Variants in GNG7 observed in about 807,000 individuals in gnomAD.
The protein encoded by GNG7 is G protein subunit gamma 7.
In GNG7, 1 loss-of-function variant was observed where a neutral mutation model predicts 4.0. That is an observed-to-expected ratio of 0.25 (90% CI 0.09 to 1.18). GNG7 has a LOEUF of 1.18. Among genes scored for constraint, GNG7 ranks in the 50% most tolerant of loss-of-function variants. The probability of loss-of-function intolerance (pLI) is 0.50; values close to 1 mark genes in which losing one functional copy is unlikely to be tolerated. For missense variants in GNG7, 86 were observed against 91.9 expected (o/e 0.94, Z 0.26); for synonymous variants, 34 against 36.9 (o/e 0.92, Z 0.29).
At chr19:2,541,848 G>A (rs986824240) in intron 3 of GNG7, among the ~76,000 whole-genome samples, 5 of 152,100 alleles carry the variant, frequency 3.3e-5, no homozygotes, top group African/African-American at 1.2e-4. Context: ...CCAGGAGTTT[G>A]AGGTTGCAGT....
intron 2 of GNG7, among the ~76,000 whole-genome samples, chr19:2,616,163 C>A (rs758893370): frequency 3.3e-5 from 5 of 152,208 alleles, no homozygotes; most frequent in Non-Finnish European, 7.3e-5. Flanking sequence ...GATCCCAGTG[C>A]TTTGGGAGGC....
chr19:2,560,071 C>T (rs1243086962), intron 2 of GNG7, among the ~76,000 whole-genome samples: 1 of 152,076 alleles, frequency 6.6e-6, no homozygotes, highest in Non-Finnish European at 1.5e-5. Flanking sequence ...AACGGGGAGG[C>T]GGAGCGTGGC....
Position 2,689,555 on chromosome 19 carries a change from G to A in GNG7, c.-135+13091C>T, listed in dbSNP as rs185442680. 6.4e-3 allele frequency among the ~76,000 whole-genome samples: 966 copies of A among 149,958 alleles called. 13 individuals carry two copies. The highest frequency in any genetic ancestry group is 0.022 in the African/African-American group (875 of 40,602). ...GGAGGATCACTTGAACCTGGGAGGC[G>A]GAGGCTGCAGTGAGCTGAGATGGCG... On this transcript the variant is annotated intron_variant, in intron 1 of 4. Transcript: ENST00000382159.
intron 2 of GNG7, among the ~76,000 whole-genome samples, chr19:2,562,333 G>T (rs1032057937): frequency 1.3e-5 from 2 of 151,750 alleles, no homozygotes; most frequent in African/African-American, 4.8e-5. Context: ...GCCCAGGCTG[G>T]AGTGCAGTGG....
At chr19:2,551,344 T>G (rs1022661992) in intron 3 of GNG7, among the ~76,000 whole-genome samples, 2 of 152,064 alleles carry the variant, frequency 1.3e-5, no homozygotes, top group Non-Finnish European at 2.9e-5. Context: ...ATGCGACCCC[T>G]CGGCCATCGG....
intron 1 of GNG7, among the ~76,000 whole-genome samples, chr19:2,657,361 A>AAATAGATATATATAT (rs1555701153): frequency 6.1e-5 from 1 of 16,342 alleles, no homozygotes; most frequent in Non-Finnish European, 1.0e-4. Context: ...AAAAAAAAAA[A>AAATAGATATATATAT]ATATATATAT....
At position 2,513,604 on chromosome 19, in the gene GNG7, G is replaced by T. The variant is rs569852349; in HGVS notation, c.*1418C>A. 6 of 985,154 alleles carry T rather than the reference G, an allele frequency of 6.1e-6. No individual in the cohort carries two copies. The South Asian group carries it at 2.3e-4, about 39-fold the overall frequency. 61.0% of individuals were successfully genotyped at this position (985,154 alleles called of 1,614,324 possible). On this transcript the variant is annotated 3_prime_UTR_variant, in exon 5 of 5. Coordinates refer to ENST00000382159, the MANE Select transcript of GNG7 (RefSeq NM_052847.3). ...CTAAGGCATCTCCCGGCCTCAGACA[G>T]CCGTCCTGGGTTGCACGGGGGTGGA...
intron 2 of GNG7, among the ~76,000 whole-genome samples, 155 bp from the exon 3 acceptor site, chr19:2,555,343 A>T (rs1979510930): frequency 6.6e-6 from 1 of 152,198 alleles, no homozygotes; most frequent in African/African-American, 2.4e-5. Flanking sequence ...CCTCCGGAGA[A>T]AACGGGGGCA....
chr19:2,572,526 G>A (rs1419224309), intron 2 of GNG7, among the ~76,000 whole-genome samples: 6 of 151,794 alleles, frequency 4.0e-5, no homozygotes, highest in African/African-American at 1.2e-4. Context: ...CTGCCTCCCC[G>A]GTTCAAGCGA....
intron 1 of GNG7, among the ~76,000 whole-genome samples, chr19:2,661,133 C>T (rs1015401823): frequency 6.7e-6 from 1 of 150,204 alleles, no homozygotes; most frequent in Non-Finnish European, 1.5e-5. Context: ...ATTACTTGAA[C>T]CTGGGAGGCG....
At chr19:2,685,862 C>T (rs1386199592) in intron 1 of GNG7, among the ~76,000 whole-genome samples, 2 of 152,094 alleles carry the variant, frequency 1.3e-5, no homozygotes, top group Non-Finnish European at 2.9e-5. Flanking sequence ...GAAAAGAGGC[C>T]ACTAAGAAAA....
intron 3 of GNG7, among the ~76,000 whole-genome samples, chr19:2,527,793 C>T (rs1403749168): frequency 6.7e-6 from 1 of 148,310 alleles, no homozygotes; most frequent in Non-Finnish European, 1.5e-5. Flanking sequence ...CCCACCAGTG[C>T]GCCCACAGTC....
At chr19:2,627,736 G>A (rs769243894) in intron 2 of GNG7, among the ~76,000 whole-genome samples, 10 of 152,196 alleles carry the variant, frequency 6.6e-5, no homozygotes, top group South Asian at 2.1e-4. Context: ...GACTCAGCCC[G>A]GGGAGTTGCA....
intron 1 of GNG7, among the ~76,000 whole-genome samples, chr19:2,652,047 C>T (rs1330027142): frequency 1.3e-5 from 2 of 151,696 alleles, no homozygotes; most frequent in African/African-American, 2.4e-5. Context: ...TGGTGGCAGG[C>T]GCCTGTAATG....
intron 2 of GNG7, among the ~76,000 whole-genome samples, chr19:2,615,028 C>T (rs77942578): frequency 0.091 from 13,877 of 152,244 alleles, 841 homozygotes; most frequent in Non-Finnish European, 0.14. Context: ...TGATTTGTGC[C>T]GCGGCTCCTG....
At position 2,636,506 on chromosome 19, in the gene GNG7, C is replaced by T. The variant is rs1298119789; in HGVS notation, c.-78+9718G>A. Reference sequence around the variant, plus strand: ...CTGCACTCTCCCAGGGCCACCCAGCCCTCCAGGGATGCTTTATGCCTTCCA... The same window carrying T: ...CTGCACTCTCCCAGGGCCACCCAGCTCTCCAGGGATGCTTTATGCCTTCCA... On this transcript the variant is annotated intron_variant, in intron 2 of 4. Transcript: ENST00000382159. Among the ~76,000 whole-genome samples the T allele has an allele frequency of 2.6e-5, 4 of 152,168 alleles. No homozygotes were observed. The East Asian group carries it at 7.7e-4, about 29-fold the overall frequency.
At position 2,575,560 on chromosome 19, in the gene GNG7, C is replaced by T. The variant is rs548951506; in HGVS notation, c.-77-20372G>A. On this transcript the variant is annotated intron_variant, in intron 2 of 4. Transcript: ENST00000382159. ...AGACAGGCAGGCACACGCAGACACA[C>T]GCAGGCACACGCAGACACGCAGGCA... 6.3e-4 allele frequency among the ~76,000 whole-genome samples: 53 copies of T among 83,884 alleles called. 1 individual carries two copies. Among genetic ancestry groups the T allele is most frequent in the African/African-American group, 2.3e-3 (38 of 16,392 alleles). 55.0% of individuals were successfully genotyped at this position (83,884 alleles called of 152,430 possible). A position where few individuals can be genotyped will look rare whatever the true frequency, so the allele number is the denominator to read the frequency against.
intron 2 of GNG7, among the ~76,000 whole-genome samples, chr19:2,575,125 C>T (rs1319400541): frequency 6.8e-5 from 10 of 146,082 alleles, no homozygotes; most frequent in Admixed American, 2.8e-4. Flanking sequence ...TGCTCTATTG[C>T]CCAGGCTGGA....
At chr19:2,583,951 G>C (rs1980571465) in intron 2 of GNG7, among the ~76,000 whole-genome samples, 5 of 152,142 alleles carry the variant, frequency 3.3e-5, no homozygotes, top group Admixed American at 3.3e-4. Context: ...TGATTATTCA[G>C]AAAAGTCCAT....
Sources: gnomAD v4.1 joint callset for allele counts (sites outside exome capture counted in the v4.1 genomes callset) on GRCh38, gnomAD v4.1.1 for gene constraint, MANE v1.5 for transcripts, NCBI Gene and HGNC (gene_info 2026-07-23, HGNC 2026-07-21) for gene names.